RPF2: variants seen among roughly 807,000 people sequenced by gnomAD.
The protein encoded by RPF2 is brix domain containing 1.
In RPF2, 21 loss-of-function variants were observed where a neutral mutation model predicts 38.9. The observed-to-expected ratio is 0.54, with a 90% CI of 0.38 to 0.78. The LOEUF is 0.78. RPF2 is among the 30% of genes least tolerant of loss of function. The pLI is 0.00. For missense variants in RPF2, 314 were observed against 358.1 expected (o/e 0.88, Z 0.99); for synonymous variants, 121 against 126.2 (o/e 0.96, Z 0.28).
At chr6:111,014,959 G>A (rs1006281986) in intron 7 of RPF2, among the ~76,000 whole-genome samples, 1 of 152,098 alleles carries the variant, frequency 6.6e-6, no homozygotes, top group Non-Finnish European at 1.5e-5. Flanking sequence ...TATACTTTTA[G>A]TGGAGATGAG....
intron 6 of RPF2, among the ~76,000 whole-genome samples, chr6:111,007,440 G>A (rs1010069045): frequency 9.9e-5 from 15 of 151,234 alleles, no homozygotes; most frequent in Admixed American, 1.3e-4. Context: ...TGTCATCTTA[G>A]CCAGGCCTGC....
rs200056858 is a variant in RPF2, at chr6:111,025,572, A to T, written c.911A>T (p.Lys304Ile). 26 of 1,605,494 alleles carry T rather than the reference A, an allele frequency of 1.6e-5. No individual in the cohort carries two copies. The highest frequency in any genetic ancestry group is 8.5e-7 in the Non-Finnish European group (1 of 1,177,848). ...EDHEKKSKRI[K>I]KN is the part of the protein sequence containing the mutation. The stretch of plus-strand genomic sequence containing the variant: ...CACGAGAAAAAGTCAAAAAGAATTA[A>T]AAAAAATTGATGGAACTTAGCCAGC... Residue 304 changes from lysine (K) to isoleucine (I), a missense_variant, in exon 10 of 10, where the codon AAA becomes ATA. By Grantham distance (102) the Lys-to-Ile change is moderately radical. Coordinates refer to ENST00000441448, the MANE Select transcript of RPF2 (RefSeq NM_032194.3).
At chr6:111,004,010 A>G (rs1408496913) in intron 6 of RPF2, among the ~76,000 whole-genome samples, 1 of 151,644 alleles carries the variant, frequency 6.6e-6, no homozygotes, top group African/African-American at 2.4e-5. Flanking sequence ...ACGGAGTTTC[A>G]TCATGTTAGT....
intron 7 of RPF2, among the ~76,000 whole-genome samples, chr6:111,011,274 A>G: frequency 6.9e-6 from 1 of 144,358 alleles, no homozygotes; most frequent in Non-Finnish European, 1.5e-5. Context: ...TATCAAGGGT[A>G]TTTTTCTTTC....
At chr6:111,017,582 G>T (rs1367306186) in intron 8 of RPF2, among the ~76,000 whole-genome samples, 1 of 151,048 alleles carries the variant, frequency 6.6e-6, no homozygotes, top group Non-Finnish European at 1.5e-5. Context: ...ATGGGGTCGC[G>T]GCCGGGCAGA....
At position 111,004,434 on chromosome 6, in the gene RPF2, G is replaced by A. The variant is rs927126596; in HGVS notation, c.394-3604G>A. 6.6e-5 allele frequency among the ~76,000 whole-genome samples: 10 copies of A among 151,984 alleles called. No homozygotes were observed. In the South Asian group the frequency reaches 1.7e-3, roughly 25 times the overall value. On this transcript the variant is annotated intron_variant, in intron 6 of 9. Transcript: ENST00000441448. Reference sequence around the variant, plus strand: ...CCTGACCTTGTGATCCACCCACCTCGGCCTCCCAGAGTGCTAGGATTAGAG... The same window carrying A: ...CCTGACCTTGTGATCCACCCACCTCAGCCTCCCAGAGTGCTAGGATTAGAG...
intron 4 of RPF2, among the ~76,000 whole-genome samples, chr6:110,994,734 T>TACACACACACACACACACAC (rs71021820): frequency 1.5e-5 from 2 of 134,068 alleles, no homozygotes; most frequent in African/African-American, 6.4e-5. Flanking sequence ...TGAGTATATA[T>TACACACACACACACACACAC]ACACACACAC....
chr6:111,004,834 G>T (rs565132595), intron 6 of RPF2, among the ~76,000 whole-genome samples: 1 of 152,100 alleles, frequency 6.6e-6, no homozygotes, highest in South Asian at 2.1e-4. Flanking sequence ...CTCCCAAAGT[G>T]CTGGGATTAC....
chr6:110,982,398 C>G, intron 1 of RPF2: 1 of 556,802 alleles, frequency 1.8e-6, no homozygotes, highest in Non-Finnish European at 3.2e-6. Context: ...CGTCTGACTT[C>G]CGAAGTATGA....
intron 3 of RPF2, among the ~76,000 whole-genome samples, chr6:110,989,330 C>G (rs999260086): frequency 2.0e-5 from 3 of 152,066 alleles, no homozygotes; most frequent in Admixed American, 2.0e-4. Context: ...TCCCATATAC[C>G]CTTCACCTGG....
chr6:111,021,208 G>A (rs1772228778), intron 8 of RPF2, among the ~76,000 whole-genome samples: 1 of 151,668 alleles, frequency 6.6e-6, no homozygotes, highest in Non-Finnish European at 1.5e-5. Flanking sequence ...AACTAGCAGT[G>A]TAACTATAAT....
At chr6:111,013,078 G>A (rs934705712) in intron 7 of RPF2, among the ~76,000 whole-genome samples, 9 of 152,282 alleles carry the variant, frequency 5.9e-5, no homozygotes, top group Middle Eastern at 3.4e-3. Context: ...CTTGCATGAC[G>A]TCTTTCCCAA....
At chr6:111,010,573 G>A (rs1273378539) in intron 7 of RPF2, among the ~76,000 whole-genome samples, 3 of 152,116 alleles carry the variant, frequency 2.0e-5, no homozygotes, top group Non-Finnish European at 4.4e-5. Flanking sequence ...GTTGACAGCC[G>A]CGAGGCCTCC....
At chr6:110,987,456 G>A (rs1357753006) in intron 2 of RPF2, among the ~76,000 whole-genome samples, 3 of 152,128 alleles carry the variant, frequency 2.0e-5, no homozygotes, top group Non-Finnish European at 4.4e-5. Flanking sequence ...TTTTTGAAAT[G>A]TTTGTCTGAA....
chr6:111,023,351 T>C (rs1204714222), intron 8 of RPF2, among the ~76,000 whole-genome samples: 1 of 152,244 alleles, frequency 6.6e-6, no homozygotes, highest in Non-Finnish European at 1.5e-5. Flanking sequence ...AGTTAGTAAA[T>C]GTCTGTGCTA....
chr6:111,025,711 A>ACTG lies in RPF2; in HGVS notation c.*129_*130insCTG. On this transcript the variant is annotated 3_prime_UTR_variant, in exon 10 of 10. Transcript: ENST00000441448. ...TAACATGATAATTTTACGATATATT[A>ACTG]TTATGAACAGTAATATACTAGTATT... 7.2e-6 allele frequency: 5 copies of ACTG among 689,754 alleles called. No individual in the cohort carries two copies. The highest frequency in any genetic ancestry group is 2.4e-5 in the South Asian group (1 of 41,924). The allele number at this position is 689,754 out of a possible 1,614,324, so 42.7% of individuals were successfully genotyped here. A position where few individuals can be genotyped will look rare whatever the true frequency, so the allele number is the denominator to read the frequency against.
At chr6:111,009,542 TA>T (rs1226942807) in intron 7 of RPF2, among the ~76,000 whole-genome samples, 1 of 152,166 alleles carries the variant, frequency 6.6e-6, no homozygotes, top group African/African-American at 2.4e-5. Flanking sequence ...GCCAGGCATA[TA>T]GTAGGCACTT....
At chr6:111,020,900 C>T (rs1772220864) in intron 8 of RPF2, among the ~76,000 whole-genome samples, 1 of 152,060 alleles carries the variant, frequency 6.6e-6, no homozygotes, top group African/African-American at 2.4e-5. Flanking sequence ...GGCACGGTGG[C>T]TCATCCCTGT....
chr6:111,006,966 G>A (rs1771920174), intron 6 of RPF2, among the ~76,000 whole-genome samples: 1 of 152,074 alleles, frequency 6.6e-6, no homozygotes, highest in African/African-American at 2.4e-5. Flanking sequence ...CCAGCTACTT[G>A]AGAGGTGGAG....
Sources: gnomAD v4.1 joint callset for allele counts (sites outside exome capture counted in the v4.1 genomes callset) on GRCh38, gnomAD v4.1.1 for gene constraint, MANE v1.5 for transcripts, NCBI Gene and HGNC (gene_info 2026-07-23, HGNC 2026-07-21) for gene names.